The following SNRPN variants were observed in gnomAD, a reference collection of about 807,000 sequenced individuals.
SNRPN encodes the protein small nuclear ribonucleoprotein polypeptide N, also known as small nuclear ribonucleoprotein-associated protein N.
SNRPN carries 7 observed loss-of-function variants against 25.2 expected under a neutral mutation model. The ratio of observed to expected loss-of-function variants is 0.28; its 90% CI spans 0.16 to 0.52. SNRPN has a LOEUF of 0.52. Among genes scored for constraint, SNRPN ranks in the 20% least tolerant of loss-of-function variants. The probability of loss-of-function intolerance (pLI) is 0.96; values close to 1 mark genes in which losing one functional copy is unlikely to be tolerated. For missense variants in SNRPN, 196 were observed against 322.5 expected (o/e 0.61, Z 3.00); for synonymous variants, 124 against 110.6 (o/e 1.12, Z -0.76).
At position 24,834,703 on chromosome 15, in the gene SNRPN, G is replaced by C. The variant is rs1445255057; in HGVS notation, c.-579+4798G>C. Reference sequence around the variant, plus strand: ...GTCACTGCACTCCAATCTAGCTACTGAGTGAGACCTTGTCTCTCTCTCTCC... The same window carrying C: ...GTCACTGCACTCCAATCTAGCTACTCAGTGAGACCTTGTCTCTCTCTCTCC... On this transcript the variant is annotated intron_variant, in intron 2 of 12. Transcript: ENST00000400100. 1.9e-5 allele frequency among the ~76,000 whole-genome samples: 2 copies of C among 105,202 alleles called. 1 individual carries two copies. The highest frequency in any genetic ancestry group is 4.2e-5 in the Non-Finnish European group (2 of 47,734). 69.0% of individuals were successfully genotyped at this position (105,202 alleles called of 152,430 possible).
chr15:24,954,806 C>T, upstream of SNRPN: 1 of 590,344 alleles, frequency 1.7e-6, no homozygotes, highest in Admixed American at 3.0e-5. Context: ...CTCATTGCAA[C>T]AGTGCTGTGG....
At chr15:24,898,564 G>A (rs1176359097) in intron 2 of SNRPN, among the ~76,000 whole-genome samples, 2 of 151,804 alleles carry the variant, frequency 1.3e-5, no homozygotes, top group Non-Finnish European at 2.9e-5. Flanking sequence ...CCCCATCCTG[G>A]CGACAGAGTG....
chr15:24,884,296 G>A lies in SNRPN; in HGVS notation c.-578-2220G>A, dbSNP rs12594958. 3.3e-5 allele frequency among the ~76,000 whole-genome samples: 5 copies of A among 152,150 alleles called. No homozygotes were observed. The South Asian group carries it at 8.3e-4, about 25-fold the overall frequency. On this transcript the variant is annotated intron_variant, in intron 1 of 11. Transcript: ENST00000400097. ...CTGCCGTGAGGCATGATGGATCCACGGCACTTCAGCCTGGGTGAAAGAGCG... is the reference window on the plus strand; with the variant it reads ...CTGCCGTGAGGCATGATGGATCCACAGCACTTCAGCCTGGGTGAAAGAGCG...
chr15:24,858,807 T>G (rs1001433679), intron 1 of SNRPN, among the ~76,000 whole-genome samples: 3 of 152,084 alleles, frequency 2.0e-5, no homozygotes, highest in Non-Finnish European at 4.4e-5. Context: ...TGGGGTATGA[T>G]GAGGCTTCTC....
At chr15:24,847,265 A>C (rs774090706) in intron 2 of SNRPN, among the ~76,000 whole-genome samples, 6 of 152,214 alleles carry the variant, frequency 3.9e-5, no homozygotes, top group Non-Finnish European at 7.3e-5. Flanking sequence ...GGCAAACTTA[A>C]TAACAAGAGG....
chr15:24,971,339 A>G (rs945909769), intron 3 of SNRPN, among the ~76,000 whole-genome samples: 1 of 152,158 alleles, frequency 6.6e-6, no homozygotes, highest in East Asian at 1.9e-4. Context: ...GATAAATTTG[A>G]CCACTCTGCA....
chr15:24,907,553 G>C (rs1053159266), intron 2 of SNRPN, among the ~76,000 whole-genome samples: 3 of 151,974 alleles, frequency 2.0e-5, no homozygotes, highest in Non-Finnish European at 4.4e-5. Context: ...AGCCGAGATC[G>C]TGCCACTGCA....
chr15:24,927,438 T>A (rs12912143), intron 3 of SNRPN, among the ~76,000 whole-genome samples: 1 of 141,900 alleles, frequency 7.0e-6, no homozygotes, highest in African/African-American at 2.6e-5. Flanking sequence ...CCCTCTTTTT[T>A]TTCTCCCTCT....
chr15:24,874,390 T>C (rs1437829472), intron 1 of SNRPN, among the ~76,000 whole-genome samples: 1 of 146,454 alleles, frequency 6.8e-6, no homozygotes, highest in Non-Finnish European at 1.5e-5. Context: ...GAGTGACCAA[T>C]GTCAGAGTGG....
chr15:24,940,984 T>G (rs2061515359), intron 3 of SNRPN, among the ~76,000 whole-genome samples: 1 of 152,088 alleles, frequency 6.6e-6, no homozygotes, highest in Admixed American at 6.6e-5. Flanking sequence ...TTTTCTTTTG[T>G]TTTTGTTTTT....
intron 2 of SNRPN, among the ~76,000 whole-genome samples, chr15:24,840,755 T>G (rs11632144): frequency 0.13 from 20,299 of 152,204 alleles, 1,483 homozygotes; most frequent in African/African-American, 0.19. Flanking sequence ...GATACTGTTT[T>G]GGCTTCTTGC....
chr15:24,882,823 C>CAAAA, intron 1 of SNRPN, among the ~76,000 whole-genome samples: 1 of 127,112 alleles, frequency 7.9e-6, no homozygotes, highest in East Asian at 2.3e-4. Context: ...GACTCCATCT[C>CAAAA]AAAAAAAAAA....
intron 2 of SNRPN, among the ~76,000 whole-genome samples, chr15:24,963,981 A>G (rs1449861005): frequency 1.3e-5 from 2 of 152,130 alleles, no homozygotes; most frequent in African/African-American, 4.8e-5. Context: ...GCAGTGAGCC[A>G]TGTTTGTGCC....
chr15:24,834,966 G>C (rs372883410), intron 2 of SNRPN, among the ~76,000 whole-genome samples: 43 of 33,576 alleles, frequency 1.3e-3, no homozygotes, highest in African/African-American at 4.3e-3. Flanking sequence ...AGTATATATA[G>C]TATATATATC....
At chr15:24,889,909 G>A (rs1271536392) in intron 2 of SNRPN, among the ~76,000 whole-genome samples, 1 of 151,666 alleles carries the variant, frequency 6.6e-6, no homozygotes, top group Non-Finnish European at 1.5e-5. Flanking sequence ...AATTAGCCGG[G>A]TGTGGTGGTA....
chr15:24,974,533 A>C, intron 4 of SNRPN, 77 bp downstream of exon 4: 3 of 1,362,762 alleles, frequency 2.2e-6, no homozygotes, highest in Non-Finnish European at 3.2e-6. Flanking sequence ...ATGTGCAGTG[A>C]TCTTGGGTTC....
chr15:24,921,459 G>A (rs1343942807), intron 3 of SNRPN, among the ~76,000 whole-genome samples: 1 of 152,156 alleles, frequency 6.6e-6, no homozygotes, highest in Non-Finnish European at 1.5e-5. Flanking sequence ...TATTTCCCAG[G>A]TAAGGGAGTG....
At chr15:24,845,752 C>T (rs2052140020) in intron 2 of SNRPN, among the ~76,000 whole-genome samples, 1 of 151,646 alleles carries the variant, frequency 6.6e-6, no homozygotes, top group Admixed American at 6.6e-5. Context: ...TATAAAAAAT[C>T]AGCTGAGGAT....
chr15:24,864,528 G>C (rs4906924), intron 1 of SNRPN, among the ~76,000 whole-genome samples: 1 of 151,724 alleles, frequency 6.6e-6, no homozygotes, highest in Non-Finnish European at 1.5e-5. Context: ...ATTTTTAGTA[G>C]AAACGGGGTT....
Sources: gnomAD v4.1 joint callset for allele counts (sites outside exome capture counted in the v4.1 genomes callset) on GRCh38, gnomAD v4.1.1 for gene constraint, MANE v1.5 for transcripts, NCBI Gene and HGNC (gene_info 2026-07-23, HGNC 2026-07-21) for gene names.